Variants in CCDC88A observed in about 807,000 individuals in gnomAD.
CCDC88A encodes coiled-coil and HOOK domain protein 88A.
In CCDC88A, 54 loss-of-function variants were observed where a neutral mutation model predicts 234.3. The ratio of observed to expected loss-of-function variants is 0.23; its 90% confidence interval spans 0.19 to 0.29. The LOEUF is 0.29. CCDC88A is among the 10% of genes least tolerant of loss of function. The pLI, the probability that CCDC88A is intolerant of heterozygous loss-of-function variation, is 1.00. For synonymous variants in CCDC88A, 753 were observed against 737.8 expected (o/e 1.02, Z -0.33); for missense variants, 1,832 against 2,123.4 (o/e 0.86, Z 2.70).
chr2:55,397,365 G>C (rs549648521), intron 2 of CCDC88A: 46 of 152,146 alleles, frequency 3.0e-4, no homozygotes, highest in African/African-American at 1.1e-3. Flanking sequence ...AAAGTGCTGG[G>C]ACAACAAGCG....
intron 21 of CCDC88A, among the ~76,000 whole-genome samples, chr2:55,316,579 T>G (rs953406691): frequency 5.3e-5 from 8 of 152,000 alleles, no homozygotes; most frequent in Admixed American, 1.3e-4. Flanking sequence ...AATAAAAAAA[T>G]TAAAAATTAG....
intron 23 of CCDC88A, among the ~76,000 whole-genome samples, chr2:55,310,040 T>A (rs1682141366): frequency 6.6e-6 from 1 of 152,122 alleles, no homozygotes; most frequent in Non-Finnish European, 1.5e-5. Context: ...AAAAAGGCCA[T>A]TATTAGATAG....
chr2:55,394,814 T>A (rs1473068174), intron 2 of CCDC88A, among the ~76,000 whole-genome samples: 1 of 150,120 alleles, frequency 6.7e-6, no homozygotes. Context: ...ATAATAATAA[T>A]AAAAAAAAAA....
Position 55,328,178 on chromosome 2 carries a change from GAA to G in CCDC88A, c.2997+114_2997+115del, listed in dbSNP as rs1331630551. On this transcript the variant is annotated intron_variant, in intron 17 of 32. Transcript: ENST00000436346. The surrounding 1 kb of genome is among the most constrained non-coding windows in gnomAD (Gnocchi z 4.3). The stretch of plus-strand genomic sequence containing the variant: ...TATTCTCAAGTTTATGAAAAAGGAA[GAA>G]ATAGACTAAATATCAATAAAATGTT... 3.7e-6 allele frequency: 3 copies of G among 818,036 alleles called. No homozygotes were observed. Among genetic ancestry groups the G allele is most frequent in the Admixed American group, 6.1e-5 (2 of 32,666 alleles). 50.7% of individuals were successfully genotyped at this position (818,036 alleles called of 1,614,324 possible). A position where few individuals can be genotyped will look rare whatever the true frequency, so the allele number is the denominator to read the frequency against.
At chr2:55,351,681 C>T (rs775544251) in intron 8 of CCDC88A, among the ~76,000 whole-genome samples, 2 of 152,150 alleles carry the variant, frequency 1.3e-5, no homozygotes, top group African/African-American at 2.4e-5. Flanking sequence ...AATTCAGCAG[C>T]ATTAATTATG....
At chr2:55,297,356 A>ATATATATATTATATATATATATTTAT (rs1457916682) in intron 29 of CCDC88A, among the ~76,000 whole-genome samples, 1 of 93,642 alleles carries the variant, frequency 1.1e-5, no homozygotes, top group Non-Finnish European at 1.8e-5. Flanking sequence ...ATTATATATA[A>ATATATATATTATATATATATATTTAT]ATATATATAA....
chr2:55,307,805 T>G (rs1041329130), intron 25 of CCDC88A, among the ~76,000 whole-genome samples: 1 of 151,830 alleles, frequency 6.6e-6, no homozygotes, highest in African/African-American at 2.4e-5. Context: ...CTATTTTATT[T>G]TGAGACGGGG....
chr2:55,345,545 C>G (rs186882773), intron 10 of CCDC88A: 2,140 of 152,592 alleles, frequency 0.014, 26 homozygotes, highest in Middle Eastern at 0.023. Context: ...TACAGGCATG[C>G]GCCACCATGC....
At chr2:55,363,627 A>C (rs1671598464) in intron 6 of CCDC88A, 1 of 190,956 alleles carries the variant, frequency 5.2e-6, no homozygotes, top group Non-Finnish European at 1.1e-5. Flanking sequence ...TATCGTTTTG[A>C]ATTACAAGCA....
intron 2 of CCDC88A, among the ~76,000 whole-genome samples, 182 bp from the exon 3 acceptor site, chr2:55,389,068 C>G (rs1014345375): frequency 2.0e-5 from 3 of 152,132 alleles, no homozygotes; most frequent in Non-Finnish European, 4.4e-5. Context: ...CTAATTAATA[C>G]AAATGCAACT....
intron 2 of CCDC88A, among the ~76,000 whole-genome samples, chr2:55,391,202 T>C (rs1676584361): frequency 6.6e-6 from 1 of 152,154 alleles, no homozygotes; most frequent in Admixed American, 6.6e-5. Context: ...AAGAGTCATG[T>C]GTTAGAAGGA....
At chr2:55,297,710 TC>T (rs1680367806) in intron 29 of CCDC88A, among the ~76,000 whole-genome samples, 2 of 151,680 alleles carry the variant, frequency 1.3e-5, no homozygotes, top group African/African-American at 4.8e-5. Flanking sequence ...CGCACCTGGC[TC>T]ATTAGGTGAA....
chr2:55,301,163 C>T (rs1293234866), intron 28 of CCDC88A, 43 bp downstream of exon 28: 2 of 1,157,816 alleles, frequency 1.7e-6, no homozygotes, highest in Non-Finnish European at 2.6e-6. Context: ...CATTCCCATT[C>T]TGTATTTAAT....
intron 31 of CCDC88A, 154 bp from the exon 32 acceptor site, chr2:55,291,929 A>G (rs1249022210): frequency 5.9e-6 from 3 of 505,374 alleles, no homozygotes; most frequent in South Asian, 6.1e-5. Flanking sequence ...CAATACTTAA[A>G]GATCGATTTT....
At chr2:55,393,434 G>C (rs1271383267) in intron 2 of CCDC88A, among the ~76,000 whole-genome samples, 4 of 151,048 alleles carry the variant, frequency 2.6e-5, no homozygotes, top group African/African-American at 4.9e-5. Context: ...GGGACTACAG[G>C]CACGTGCCAC....
intron 2 of CCDC88A, among the ~76,000 whole-genome samples, chr2:55,400,587 A>G (rs529999625): frequency 6.6e-6 from 1 of 152,274 alleles, no homozygotes; most frequent in Non-Finnish European, 1.5e-5. Flanking sequence ...AAAATTTGTA[A>G]ATCAGGAAAA....
intron 2 of CCDC88A, among the ~76,000 whole-genome samples, chr2:55,402,926 G>A (rs182881348): frequency 9.7e-4 from 148 of 151,848 alleles, no homozygotes; most frequent in African/African-American, 3.3e-3. Context: ...GGAGAATGGC[G>A]TGAACCCAGG....
intron 23 of CCDC88A, among the ~76,000 whole-genome samples, chr2:55,310,310 G>A (rs1682188064): frequency 6.6e-6 from 1 of 152,194 alleles, no homozygotes; most frequent in African/African-American, 2.4e-5. Flanking sequence ...GGCAGGGCGT[G>A]GTGGCTCAGG....
intron 2 of CCDC88A, among the ~76,000 whole-genome samples, chr2:55,407,809 C>T (rs1679850106): frequency 6.6e-6 from 1 of 150,376 alleles, no homozygotes. Flanking sequence ...CCTCCACCTC[C>T]CAGGTTCAAG....
Sources: gnomAD v4.1 joint callset for allele counts (sites outside exome capture counted in the v4.1 genomes callset) on GRCh38, gnomAD v4.1.1 for gene constraint, Gnocchi (gnomAD v3.1) non-coding constraint, MANE v1.5 for transcripts, NCBI Gene and HGNC (gene_info 2026-07-23, HGNC 2026-07-21) for gene names.